Variants in ARMCX4 observed in about 807,000 individuals in gnomAD.
The protein encoded by ARMCX4 is armadillo repeat containing X-linked 4.
A neutral mutation model predicts 34.7 loss-of-function variants in ARMCX4; 3 were observed. The ratio of observed to expected loss-of-function variants is 0.09; its 90% CI spans 0.04 to 0.22. The LOEUF is 0.22. Ranked by LOEUF, ARMCX4 falls within the 10% of genes least tolerant of loss-of-function variation. The probability of loss-of-function intolerance (pLI) is 1.00; values close to 1 mark genes in which losing one functional copy is unlikely to be tolerated. For missense variants in ARMCX4, 1,448 were observed against 1,720.8 expected (o/e 0.84, Z 2.81); for synonymous variants, 513 against 632.8 (o/e 0.81, Z 2.84).
At chrX:101,448,074 AAT>A (rs1280082728), downstream of ARMCX4, among the ~76,000 whole-genome samples, 15 of 111,559 alleles carry the variant, frequency 1.3e-4, no homozygotes, top group Non-Finnish European at 1.9e-5. Context: ...AGCTCCCACA[AAT>A]AAGTGAGAAC....
downstream of ARMCX4, among the ~76,000 whole-genome samples, chrX:101,451,540 C>G (rs1166141797): frequency 9.5e-6 from 1 of 105,153 alleles, no homozygotes; most frequent in Non-Finnish European, 2.0e-5. Flanking sequence ...ACTGTGAGTA[C>G]TCACCTGATT....
At chrX:101,433,202 GTGCATATACGCACATATATACATAT>G (rs1930380519) in intron 2 of ARMCX4, among the ~76,000 whole-genome samples, 1 of 29,029 alleles carries the variant, frequency 3.4e-5, no homozygotes, top group Non-Finnish European at 1.1e-4. Context: ...ACACATATAT[GTGCATATACGCACATATATACATAT>G]ATGTACACAT....
Position 101,464,201 on chromosome X carries a change from C to T in ARMCX4, c.-473+18157C>T, listed in dbSNP as rs782233839. Among the ~76,000 whole-genome samples, 6 of 109,175 alleles carry T rather than the reference C, an allele frequency of 5.5e-5. No homozygotes were observed. In the South Asian group the frequency reaches 2.1e-3, roughly 37 times the overall value. The allele number at this position is 109,175 out of a possible 115,157, so 94.8% of individuals were successfully genotyped here. ...CAGCTTTGCCAACATGGTGAAGCCC[C>T]GTCTCGATGAAAAATACAAAAAAAA... is the stretch of plus-strand genomic sequence containing the variant. On this transcript the variant is annotated intron_variant and NMD_transcript_variant, in intron 4 of 15. Coordinates refer to the ARMCX4 transcript ENST00000433011.
chrX:101,511,687 G>A (rs1483262024), intron 11 of ARMCX4, among the ~76,000 whole-genome samples: 5 of 109,987 alleles, frequency 4.5e-5, no homozygotes, highest in Non-Finnish European at 7.6e-5. Flanking sequence ...GTGTAGTGGC[G>A]TGATCATAGT....
chrX:101,527,519 T>A lies in ARMCX4; in HGVS notation c.*1781-4125T>A, dbSNP rs184786033. Among the ~76,000 whole-genome samples, 652 of 111,033 alleles carry A rather than the reference T, an allele frequency of 5.9e-3. 7 individuals carry two copies. Among genetic ancestry groups the A allele is most frequent in the African/African-American group, 0.02 (612 of 30,602 alleles). On this transcript the variant is annotated intron_variant and NMD_transcript_variant, in intron 11 of 12. Transcript: ENST00000354842. ...AGGAAATAGAGACACAAAAAACATT[T>A]AAAAAAATCAATGAATCCAGGGGCT... is the stretch of plus-strand genomic sequence containing the variant.
intron 2 of ARMCX4, among the ~76,000 whole-genome samples, chrX:101,442,728 T>C (rs782268797): frequency 9.0e-6 from 1 of 111,207 alleles, no homozygotes; most frequent in East Asian, 2.9e-4. Context: ...CTGTAAAGGC[T>C]TCCCAGACCT....
At chrX:101,512,871 T>TAG (rs1356214173) in intron 11 of ARMCX4, among the ~76,000 whole-genome samples, 3 of 72,384 alleles carry the variant, frequency 4.1e-5, no homozygotes, top group East Asian at 3.6e-4. Flanking sequence ...TATATATATG[T>TAG]AGAGAGAGAG....
intron 11 of ARMCX4, among the ~76,000 whole-genome samples, chrX:101,529,702 A>T (rs1336777054): frequency 4.4e-5 from 5 of 112,710 alleles, no homozygotes; most frequent in Non-Finnish European, 7.5e-5. Context: ...TCAAAAGAAG[A>T]CATTTATGCA....
chrX:101,433,001 T>C (rs6621058), intron 2 of ARMCX4, among the ~76,000 whole-genome samples: 9,323 of 55,933 alleles, frequency 0.17, 1,430 homozygotes, highest in Non-Finnish European at 0.21. Context: ...TATACATATA[T>C]GTGTATATAT....
At chrX:101,425,963 G>A (rs1259316504) in intron 2 of ARMCX4, among the ~76,000 whole-genome samples, 3 of 110,148 alleles carry the variant, frequency 2.7e-5, no homozygotes, top group Non-Finnish European at 5.7e-5. Context: ...TGGGATTAGA[G>A]GTGCGCACAC....
chrX:101,526,294 G>A (rs1248985913), intron 11 of ARMCX4, among the ~76,000 whole-genome samples: 2 of 111,716 alleles, frequency 1.8e-5, no homozygotes, highest in Non-Finnish European at 3.8e-5. Context: ...GAGAGATTTT[G>A]TCACCACCAG....
intron 2 of ARMCX4, among the ~76,000 whole-genome samples, chrX:101,425,714 CAA>C (rs1224398584): frequency 9.1e-6 from 1 of 110,198 alleles, no homozygotes; most frequent in Non-Finnish European, 1.9e-5. Context: ...GTAATGGAAA[CAA>C]AGAATATAGG....
At chrX:101,477,126 T>C (rs782591082) in intron 4 of ARMCX4, among the ~76,000 whole-genome samples, 2 of 110,364 alleles carry the variant, frequency 1.8e-5, no homozygotes, top group South Asian at 3.8e-4. Flanking sequence ...AAAACTTGAA[T>C]AGAACAATAA....
chrX:101,506,174 T>C (rs1934445248), intron 8 of ARMCX4, among the ~76,000 whole-genome samples: 1 of 111,985 alleles, frequency 8.9e-6, no homozygotes, highest in South Asian at 3.7e-4. Context: ...AACTGAAATG[T>C]TTACCCATTA....
intron 7 of ARMCX4, among the ~76,000 whole-genome samples, chrX:101,504,722 G>A (rs1556014731): frequency 9.0e-6 from 1 of 111,252 alleles, no homozygotes; most frequent in Non-Finnish European, 1.9e-5. Context: ...TGAGTACAGT[G>A]GGTTTGCTGG....
upstream of ARMCX4, among the ~76,000 whole-genome samples, chrX:101,480,494 G>A (rs1879537808): frequency 9.0e-6 from 1 of 111,355 alleles, no homozygotes; most frequent in South Asian, 3.8e-4. Context: ...TAAGCCCAGG[G>A]GTTCAAGGCA....
intron 2 of ARMCX4, among the ~76,000 whole-genome samples, chrX:101,421,020 G>T (rs782768231): frequency 9.1e-6 from 1 of 110,161 alleles, no homozygotes; most frequent in South Asian, 3.8e-4. Flanking sequence ...CAACCAACAT[G>T]GTGAAACCCC....
chrX:101,508,866 A>T (rs1200837888), intron 8 of ARMCX4, among the ~76,000 whole-genome samples: 1 of 111,445 alleles, frequency 9.0e-6, no homozygotes, highest in African/African-American at 3.3e-5. Context: ...GCTTATTGTA[A>T]TCATACATTT....
At position 101,490,312 on chromosome X, in the gene ARMCX4, A is replaced by C; in HGVS notation, c.1723A>C (p.Thr575Pro). The C allele has an allele frequency of 8.7e-7, 1 of 1,154,606 alleles. No homozygotes were observed. The highest frequency in any genetic ancestry group is 1.1e-6 in the Non-Finnish European group (1 of 872,390). The change falls in exon 6 of 6, where the codon ACT (threonine) becomes CCT (proline). Residue 575 changes from threonine (T) to proline (P), a missense_variant. Transcript: ENST00000423738. ...RVDGRGNPNA[T>P]SKAGTKADQR... ...TGATGGTAGGGGCAATCCTAATGCC[A>C]CTTCTAAAGCCGGGACTAAGGCAGA...
Sources: allele counts gnomAD v4.1 joint callset (sites outside exome capture counted in the v4.1 genomes callset), GRCh38; gene constraint gnomAD v4.1.1; transcripts MANE v1.5; gene names NCBI Gene and HGNC (gene_info 2026-07-23, HGNC 2026-07-21).